The following QRSL1 variants were observed in gnomAD, a reference collection of about 807,000 sequenced individuals.
The protein encoded by QRSL1 is glutamyl-tRNA(Gln) amidotransferase subunit A, mitochondrial.
In QRSL1, 54 loss-of-function variants were observed where a neutral mutation model predicts 61.6. That is an observed-to-expected ratio of 0.88 (90% CI 0.70 to 1.10). QRSL1 has a LOEUF of 1.10. Ranked by LOEUF, QRSL1 falls within the 50% of genes least tolerant of loss-of-function variation. QRSL1 has a pLI of 0.00. For synonymous variants in QRSL1, 228 were observed against 225.7 expected (o/e 1.01, Z -0.09); for missense variants, 505 against 622.6 (o/e 0.81, Z 2.01).
At chr6:106,633,528 T>C (rs1352957730) in intron 1 of QRSL1, among the ~76,000 whole-genome samples, 1 of 152,150 alleles carries the variant, frequency 6.6e-6, no homozygotes, top group Non-Finnish European at 1.5e-5. Context: ...TGGAAGCTTA[T>C]GGTAACAGGA....
chr6:106,655,769 A>G (rs1328940125), intron 9 of QRSL1, 37 bp downstream of exon 9: 1 of 1,256,708 alleles, frequency 8.0e-7, no homozygotes, highest in East Asian at 2.4e-5. Flanking sequence ...TTCATTCTTG[A>G]AACCTCAAGT....
At chr6:106,638,203 G>A (rs1273879245) in intron 1 of QRSL1, among the ~76,000 whole-genome samples, 1 of 152,208 alleles carries the variant, frequency 6.6e-6, no homozygotes, top group Non-Finnish European at 1.5e-5. Context: ...CTTCCACCCA[G>A]CCTACTACCA....
At position 106,652,556 on chromosome 6, in the gene QRSL1, A is replaced by T. The variant is rs777064211; in HGVS notation, c.823A>T (p.Ser275Cys). 19 of 1,614,104 alleles carry T rather than the reference A, an allele frequency of 1.2e-5. No individual in the cohort carries two copies. Among genetic ancestry groups the T allele is most frequent in the Middle Eastern group, 1.6e-4 (1 of 6,084 alleles). ...PFMLPSLADV[S>C]KLCIGIPKEY... The stretch of plus-strand genomic sequence containing the variant: ...CATGCTTCCCAGTTTGGCAGATGTG[A>T]GCAAACTATGTATAGGAATTCCAAA... The change falls in exon 7 of 11, where the codon AGC (serine) becomes TGC (cysteine). Residue 275 changes from serine to cysteine, a missense_variant. Transcript: ENST00000369046.
chr6:106,639,120 T>TTG (rs1562165046), intron 1 of QRSL1, among the ~76,000 whole-genome samples: 9 of 37,956 alleles, frequency 2.4e-4, no homozygotes, highest in Non-Finnish European at 4.9e-4. Flanking sequence ...TGTTTTGTTG[T>TTG]TTTTTTTTTT....
intron 3 of QRSL1, among the ~76,000 whole-genome samples, chr6:106,642,292 G>C (rs571521174): frequency 8.8e-4 from 134 of 152,312 alleles, no homozygotes; most frequent in African/African-American, 3.1e-3. Flanking sequence ...CTAACCTCAG[G>C]TGATCCGCCT....
intron 1 of QRSL1, among the ~76,000 whole-genome samples, chr6:106,634,340 A>G (rs1776887073): frequency 6.6e-6 from 1 of 152,212 alleles, no homozygotes; most frequent in South Asian, 2.1e-4. Context: ...AGTAGGGAGT[A>G]TGGATTTTAT....
intron 9 of QRSL1, among the ~76,000 whole-genome samples, chr6:106,660,278 C>T (rs1189694389): frequency 6.6e-6 from 1 of 152,120 alleles, no homozygotes; most frequent in Non-Finnish European, 1.5e-5. Context: ...GGCTCACTGG[C>T]AGCCTCGACC....
At chr6:106,645,687 T>G (rs13207581) in intron 4 of QRSL1, among the ~76,000 whole-genome samples, 44,363 of 152,180 alleles carry the variant, frequency 0.29, 7,504 homozygotes, top group Non-Finnish European at 0.39. Context: ...TCCCAAAGTG[T>G]TGGGATTATA....
At chr6:106,639,120 T>TTTTTTG (rs1317519463) in intron 1 of QRSL1, among the ~76,000 whole-genome samples, 769 of 37,876 alleles carry the variant, frequency 0.02, 77 homozygotes, top group African/African-American at 0.078. Context: ...TGTTTTGTTG[T>TTTTTTG]TTTTTTTTTT....
chr6:106,631,945 C>T (rs1477416691), intron 1 of QRSL1, among the ~76,000 whole-genome samples: 1 of 152,170 alleles, frequency 6.6e-6, no homozygotes, highest in Non-Finnish European at 1.5e-5. Flanking sequence ...TTACCCATCC[C>T]CACTTCCCAC....
At chr6:106,635,477 A>G (rs1408673624) in intron 1 of QRSL1, among the ~76,000 whole-genome samples, 3 of 152,184 alleles carry the variant, frequency 2.0e-5, no homozygotes, top group African/African-American at 7.2e-5. Context: ...AAAAGCATGA[A>G]TGGACTGTGT....
At chr6:106,655,278 GTCCAT>G (rs1777248981) in intron 8 of QRSL1, among the ~76,000 whole-genome samples, 1 of 152,002 alleles carries the variant, frequency 6.6e-6, no homozygotes, top group Non-Finnish European at 1.5e-5. Context: ...TCCATGACCA[GTCCAT>G]CAGTCAAAAG....
chr6:106,644,519 T>G (rs887709060), intron 4 of QRSL1, among the ~76,000 whole-genome samples: 1 of 152,104 alleles, frequency 6.6e-6, no homozygotes, highest in African/African-American at 2.4e-5. Context: ...TTGTTTGTTT[T>G]TTGTTTTTTG....
At chr6:106,661,955 C>G (rs1777363882) in intron 9 of QRSL1, among the ~76,000 whole-genome samples, 1 of 151,848 alleles carries the variant, frequency 6.6e-6, no homozygotes, top group Non-Finnish European at 1.5e-5. Flanking sequence ...AGGTGATCCA[C>G]CCACCTCGGC....
chr6:106,657,135 G>C (rs545280925), intron 9 of QRSL1, among the ~76,000 whole-genome samples: 5 of 152,312 alleles, frequency 3.3e-5, no homozygotes, highest in African/African-American at 7.2e-5. Context: ...TGGGCGTGGT[G>C]GTGGGCACCT....
intron 9 of QRSL1, 23 bp from the exon 10 acceptor site, chr6:106,662,956 AC>A (rs780336862): frequency 1.3e-6 from 2 of 1,542,826 alleles, no homozygotes; most frequent in Admixed American, 3.4e-5. Context: ...ATCCTTAAAA[AC>A]ATCACCTACT....
intron 9 of QRSL1, among the ~76,000 whole-genome samples, chr6:106,656,346 A>C (rs1777271152): frequency 6.6e-6 from 1 of 152,270 alleles, no homozygotes; most frequent in African/African-American, 2.4e-5. Flanking sequence ...AGCCTTAAGC[A>C]GAGAGTTGTA....
At chr6:106,637,066 G>A (rs1419054) in intron 1 of QRSL1, among the ~76,000 whole-genome samples, 26,322 of 152,172 alleles carry the variant, frequency 0.17, 2,653 homozygotes, top group East Asian at 0.33. Flanking sequence ...ACTGCAAGGT[G>A]TTGCTAGGGC....
chr6:106,658,123 C>CT (rs538861472), intron 9 of QRSL1, among the ~76,000 whole-genome samples: 41 of 151,814 alleles, frequency 2.7e-4, no homozygotes, highest in Admixed American at 1.6e-3. Context: ...TTTTCTTCTG[C>CT]TTTTTTTTCT....
Sources: gnomAD v4.1 joint callset for allele counts (sites outside exome capture counted in the v4.1 genomes callset) on GRCh38, gnomAD v4.1.1 for gene constraint, MANE v1.5 for transcripts, NCBI Gene and HGNC (gene_info 2026-07-23, HGNC 2026-07-21) for gene names.